The following FSTL5 variants were observed in gnomAD, a reference collection of about 807,000 sequenced individuals.
FSTL5 encodes follistatin-related protein 5.
FSTL5 carries 62 observed loss-of-function variants against 89.1 expected under a neutral mutation model. The ratio of observed to expected loss-of-function variants is 0.70; its 90% confidence interval spans 0.57 to 0.86. FSTL5 has a LOEUF of 0.86. FSTL5 is among the 40% of genes least tolerant of loss of function. The pLI is 0.00. For missense variants in FSTL5, 1,057 were observed against 1,001.6 expected (o/e 1.06, Z -0.75); for synonymous variants, 383 against 346.2 (o/e 1.11, Z -1.18).
intron 3 of FSTL5, among the ~76,000 whole-genome samples, chr4:161,987,691 T>A (rs952796908): frequency 3.3e-5 from 5 of 150,166 alleles, no homozygotes; most frequent in African/African-American, 1.2e-4. Context: ...CTTACCAAAC[T>A]AAAAGTGGAA....
intron 3 of FSTL5, among the ~76,000 whole-genome samples, chr4:161,980,346 G>A (rs1484403914): frequency 2.0e-5 from 3 of 151,954 alleles, no homozygotes; most frequent in Non-Finnish European, 2.9e-5. Context: ...ATCAAGAGAC[G>A]GAAGGATTTG....
At chr4:162,139,811 A>G (rs1238377290) in intron 1 of FSTL5, among the ~76,000 whole-genome samples, 1 of 152,132 alleles carries the variant, frequency 6.6e-6, no homozygotes, top group Non-Finnish European at 1.5e-5. Context: ...TGCAAATTAT[A>G]TTGTGACAAA....
chr4:161,588,997 GTT>G (rs879331171), intron 7 of FSTL5, among the ~76,000 whole-genome samples: 5,658 of 130,806 alleles, frequency 0.043, 191 homozygotes, highest in South Asian at 0.2. Flanking sequence ...TATCCCTAAT[GTT>G]TTTTTTTTTT....
At chr4:162,027,421 T>C (rs754753579) in intron 3 of FSTL5, among the ~76,000 whole-genome samples, 23 of 152,122 alleles carry the variant, frequency 1.5e-4, no homozygotes, top group Non-Finnish European at 2.6e-4. Context: ...GAATTGTTTA[T>C]TGGAACTGAA....
intron 3 of FSTL5, among the ~76,000 whole-genome samples, chr4:161,950,421 G>T (rs1734860229): frequency 6.6e-6 from 1 of 152,140 alleles, no homozygotes; most frequent in Admixed American, 6.6e-5. Flanking sequence ...AAGATTCAAT[G>T]AAACCTTAAA....
intron 15 of FSTL5, among the ~76,000 whole-genome samples, chr4:161,405,111 T>C (rs1265727916): frequency 6.6e-6 from 1 of 151,928 alleles, no homozygotes; most frequent in Non-Finnish European, 1.5e-5. Flanking sequence ...TGGGCACCTG[T>C]AATCCCAACT....
chr4:161,398,240 T>TA (rs1731069463), intron 15 of FSTL5, among the ~76,000 whole-genome samples: 1 of 152,016 alleles, frequency 6.6e-6, no homozygotes, highest in Admixed American at 6.6e-5. Context: ...AACAAGAAAA[T>TA]GTAGAAATAT....
chr4:161,958,915 C>T (rs1735098130), intron 3 of FSTL5, among the ~76,000 whole-genome samples: 1 of 152,076 alleles, frequency 6.6e-6, no homozygotes, highest in South Asian at 2.1e-4. Flanking sequence ...TGAACTGCAG[C>T]CTTAGCCTTC....
At chr4:161,440,486 A>T (rs983578378) in intron 15 of FSTL5, among the ~76,000 whole-genome samples, 2 of 152,106 alleles carry the variant, frequency 1.3e-5, no homozygotes, top group African/African-American at 2.4e-5. Context: ...AAAGTCCCGC[A>T]TTCAAAGGGT....
At chr4:161,900,492 A>G (rs1579179642) in intron 4 of FSTL5, among the ~76,000 whole-genome samples, 1 of 151,808 alleles carries the variant, frequency 6.6e-6, no homozygotes, top group East Asian at 1.9e-4. Flanking sequence ...CACAAAAATT[A>G]GCCAGGCATG....
At chr4:161,518,624 T>C (rs1411921399) in intron 10 of FSTL5, among the ~76,000 whole-genome samples, 1 of 152,136 alleles carries the variant, frequency 6.6e-6, no homozygotes, top group Non-Finnish European at 1.5e-5. Context: ...CTCCTGACAA[T>C]CAAATTAGTC....
chr4:161,700,846 AC>A (rs757934648), intron 6 of FSTL5, among the ~76,000 whole-genome samples: 5 of 152,242 alleles, frequency 3.3e-5, no homozygotes, highest in Non-Finnish European at 2.9e-5. Context: ...TTTACAAATT[AC>A]AAAATCATTA....
chr4:162,145,468 T>C (rs1462806548), intron 1 of FSTL5, among the ~76,000 whole-genome samples: 1 of 152,078 alleles, frequency 6.6e-6, no homozygotes, highest in African/African-American at 2.4e-5. Context: ...TAAAAGTGTA[T>C]TTCTCGTTTT....
At chr4:161,644,121 A>G (rs1487695884) in intron 7 of FSTL5, among the ~76,000 whole-genome samples, 3 of 152,128 alleles carry the variant, frequency 2.0e-5, no homozygotes, top group African/African-American at 7.2e-5. Flanking sequence ...AAAAAGAGTA[A>G]GTTCAGGCAC....
intron 2 of FSTL5, among the ~76,000 whole-genome samples, chr4:162,092,618 C>T (rs900501381): frequency 1.3e-5 from 2 of 151,976 alleles, no homozygotes; most frequent in Admixed American, 6.6e-5. Context: ...GCTACATTAT[C>T]TAGAAACCCA....
intron 2 of FSTL5, among the ~76,000 whole-genome samples, chr4:162,088,697 A>T (rs959495411): frequency 1.2e-4 from 19 of 152,162 alleles, no homozygotes; most frequent in Non-Finnish European, 2.5e-4. Context: ...ATTTTGTAGA[A>T]AAAAGTAACT....
At chr4:161,591,586 A>G (rs1488990694) in intron 7 of FSTL5, among the ~76,000 whole-genome samples, 2 of 152,204 alleles carry the variant, frequency 1.3e-5, no homozygotes, top group African/African-American at 4.8e-5. Flanking sequence ...TTTTGTGAGT[A>G]TGAAAAAATT....
chr4:161,442,317 T>C (rs115601137), intron 15 of FSTL5, among the ~76,000 whole-genome samples: 9,810 of 152,104 alleles, frequency 0.064, 1,049 homozygotes, highest in African/African-American at 0.22. Flanking sequence ...TAGAGATAGA[T>C]GCCCAGATTA....
At chr4:161,431,337 G>T in intron 15 of FSTL5, among the ~76,000 whole-genome samples, 1 of 152,006 alleles carries the variant, frequency 6.6e-6, no homozygotes, top group Non-Finnish European at 1.5e-5. Flanking sequence ...GCTTTTACTA[G>T]TTTTCTCTAT....
Sources: allele counts gnomAD v4.1 joint callset (sites outside exome capture counted in the v4.1 genomes callset), GRCh38; gene constraint gnomAD v4.1.1; transcripts MANE v1.5; gene names NCBI Gene and HGNC (gene_info 2026-07-23, HGNC 2026-07-21).